SNX29: variants seen among roughly 807,000 people sequenced by gnomAD.
The protein encoded by SNX29 is sorting nexin 29.
A neutral mutation model predicts 102.1 loss-of-function variants in SNX29; 78 were observed. That is an observed-to-expected ratio of 0.76 (90% confidence interval 0.64 to 0.92). SNX29 has a LOEUF of 0.92. Among genes scored for constraint, SNX29 ranks in the 40% least tolerant of loss-of-function variants. The probability of loss-of-function intolerance (pLI) is 0.00; values close to 1 mark genes in which losing one functional copy is unlikely to be tolerated. For missense variants in SNX29, 1,280 were observed against 1,061.7 expected (o/e 1.21, Z -2.86); for synonymous variants, 580 against 414.5 (o/e 1.40, Z -4.85).
intron 18 of SNX29, among the ~76,000 whole-genome samples, chr16:12,477,145 A>G (rs146718367): frequency 4.3e-4 from 65 of 152,266 alleles, no homozygotes; most frequent in African/African-American, 1.5e-3. Context: ...AAAATAAAGA[A>G]ATTCTATGTC....
At chr16:12,560,395 A>G (rs1353830629) in intron 20 of SNX29, among the ~76,000 whole-genome samples, 1 of 152,118 alleles carries the variant, frequency 6.6e-6, no homozygotes. Context: ...GAGTTCTTTA[A>G]TCCCCAAAAG....
chr16:12,556,449 A>T (rs2078355809), intron 20 of SNX29: 1 of 152,284 alleles, frequency 6.6e-6, no homozygotes, highest in South Asian at 2.1e-4. Context: ...AACTCCAAGG[A>T]ACTCTTAGGC....
At chr16:12,104,817 T>C (rs1332577967) in intron 11 of SNX29, among the ~76,000 whole-genome samples, 1 of 152,256 alleles carries the variant, frequency 6.6e-6, no homozygotes, top group Non-Finnish European at 1.5e-5. Context: ...TCTTTATTGT[T>C]GTGCATTGTA....
intron 19 of SNX29, among the ~76,000 whole-genome samples, chr16:12,497,668 G>C (rs2088898959): frequency 6.6e-6 from 1 of 152,106 alleles, no homozygotes; most frequent in Non-Finnish European, 1.5e-5. Flanking sequence ...ATCTGTTCCT[G>C]TTTTTTTCTC....
intron 10 of SNX29, among the ~76,000 whole-genome samples, chr16:12,070,105 G>A (rs2051226919): frequency 6.6e-6 from 1 of 152,182 alleles, no homozygotes; most frequent in Non-Finnish European, 1.5e-5. Context: ...CATGTATTAA[G>A]CACTATATAG....
intron 4 of SNX29, among the ~76,000 whole-genome samples, chr16:12,037,782 G>A (rs1276975250): frequency 6.7e-6 from 1 of 150,362 alleles, no homozygotes; most frequent in Admixed American, 6.7e-5. Context: ...TAAGACCCTC[G>A]TCTCTACAGA....
intron 18 of SNX29, among the ~76,000 whole-genome samples, chr16:12,417,120 A>G (rs1029550782): frequency 2.2e-4 from 33 of 152,204 alleles, no homozygotes; most frequent in African/African-American, 7.5e-4. Flanking sequence ...GGAGCCTACC[A>G]TTCCATGAGA....
chr16:12,526,661 A>C (rs2076792127), intron 20 of SNX29: 1 of 522,336 alleles, frequency 1.9e-6, no homozygotes, highest in South Asian at 1.6e-5. Context: ...CCTCTCGCGG[A>C]GTCATCACGC....
chr16:12,019,426 T>C (rs1354829034), intron 3 of SNX29, among the ~76,000 whole-genome samples: 2 of 151,984 alleles, frequency 1.3e-5, no homozygotes, highest in Non-Finnish European at 2.9e-5. Flanking sequence ...AGAATGGTCT[T>C]GATCTCTTGA....
In SNX29 at chr16:12,096,259, G is replaced by C. The variant is rs996735196; in HGVS notation, c.1402+17344G>C. 1.3e-5 allele frequency among the ~76,000 whole-genome samples: 2 copies of C among 152,234 alleles called. No individual in the cohort carries two copies. Among genetic ancestry groups the C allele is most frequent in the African/African-American group, 2.4e-5 (1 of 41,466 alleles). On this transcript the variant is annotated intron_variant, in intron 11 of 20. Coordinates refer to ENST00000566228, the MANE Select transcript of SNX29 (RefSeq NM_032167.5). This position sits in a 1 kb window ranked among gnomAD's most constrained non-coding sequence, Gnocchi z 4.2. ...CTTCAGTGACTGTCTTAGTGTCTTA[G>C]TAATTGGAAGGTTCCAGATGGCATT...
At chr16:12,533,192 G>A (rs577783402) in intron 20 of SNX29, among the ~76,000 whole-genome samples, 25 of 152,354 alleles carry the variant, frequency 1.6e-4, no homozygotes, top group Admixed American at 4.6e-4. Context: ...GGAACCAGCA[G>A]CCATCTGAGG....
intron 16 of SNX29, among the ~76,000 whole-genome samples, chr16:12,390,509 T>C (rs375022477): frequency 1.3e-5 from 2 of 152,148 alleles, no homozygotes; most frequent in South Asian, 4.1e-4. Flanking sequence ...CCTCTCCCCC[T>C]GTCACCTGCA....
At chr16:12,552,742 A>T (rs1052110455) in intron 20 of SNX29, among the ~76,000 whole-genome samples, 3 of 152,376 alleles carry the variant, frequency 2.0e-5, no homozygotes, top group Middle Eastern at 3.4e-3. Flanking sequence ...ATCTCCAGTG[A>T]AATCACTTCT....
At chr16:12,222,427 T>C (rs1332470525) in intron 14 of SNX29, among the ~76,000 whole-genome samples, 1 of 152,222 alleles carries the variant, frequency 6.6e-6, no homozygotes, top group Non-Finnish European at 1.5e-5. Flanking sequence ...AAAGACCACT[T>C]GATAAAAGAC....
chr16:12,559,640 A>G (rs894458764), intron 20 of SNX29, among the ~76,000 whole-genome samples: 7 of 152,040 alleles, frequency 4.6e-5, no homozygotes, highest in South Asian at 4.1e-4. Flanking sequence ...CCTGTATCCA[A>G]ATGTAAGCCA....
chr16:12,490,996 T>C (rs555641124), intron 19 of SNX29, among the ~76,000 whole-genome samples: 1 of 152,364 alleles, frequency 6.6e-6, no homozygotes, highest in South Asian at 2.1e-4. Context: ...TTTTTACAGC[T>C]TCACATCAAT....
At chr16:12,087,710 T>C in intron 11 of SNX29, 1 of 384,102 alleles carries the variant, frequency 2.6e-6, no homozygotes, top group Admixed American at 3.1e-5. Flanking sequence ...GTACAGGCAT[T>C]ACTGGTCCAT....
At chr16:12,067,756 G>A (rs2051101882) in intron 9 of SNX29, among the ~76,000 whole-genome samples, 1 of 152,182 alleles carries the variant, frequency 6.6e-6, no homozygotes, top group Non-Finnish European at 1.5e-5. Context: ...CCAAAGTGGT[G>A]GGATTACAGG....
intron 3 of SNX29, among the ~76,000 whole-genome samples, chr16:12,005,861 A>G (rs894199793): frequency 5.3e-5 from 8 of 152,236 alleles, no homozygotes; most frequent in Non-Finnish European, 7.3e-5. Flanking sequence ...CAGTCAGGAA[A>G]AATCTGAAAT....
Sources: allele counts gnomAD v4.1 joint callset (sites outside exome capture counted in the v4.1 genomes callset), GRCh38; gene constraint gnomAD v4.1.1; non-coding constraint Gnocchi (gnomAD v3.1); transcripts MANE v1.5; gene names NCBI Gene and HGNC (gene_info 2026-07-23, HGNC 2026-07-21).